Variants in LAMC3 observed in about 807,000 individuals in gnomAD.
LAMC3 encodes the protein laminin subunit gamma 3, also known as laminin subunit gamma-3.
In LAMC3, 128 loss-of-function variants were observed where a neutral mutation model predicts 173.8. The observed-to-expected ratio is 0.74, with a 90% confidence interval of 0.64 to 0.85. The LOEUF (loss-of-function observed/expected upper bound fraction) is 0.85, where lower values mean the gene tolerates loss of function less well. Ranked by LOEUF, LAMC3 falls within the 40% of genes least tolerant of loss-of-function variation. LAMC3 has a pLI of 0.00. For missense variants in LAMC3, 2,022 were observed against 2,156.0 expected, an observed-to-expected ratio of 0.94 and a Z score of 1.23; for synonymous variants, 897 against 909.1, an observed-to-expected ratio of 0.99 and a Z score of 0.24.
intron 13 of LAMC3, among the ~76,000 whole-genome samples, chr9:131,062,667 G>A (rs1401833910): frequency 1.3e-5 from 2 of 152,040 alleles, no homozygotes; most frequent in African/African-American, 4.8e-5. Flanking sequence ...TCCGGAGTCT[G>A]AGACTAGCCT....
intron 14 of LAMC3, 44 bp downstream of exon 14, chr9:131,067,249 C>T (rs1829956353): frequency 1.9e-6 from 3 of 1,608,484 alleles, no homozygotes; most frequent in African/African-American, 2.7e-5. Flanking sequence ...ATGGTGGGCC[C>T]CTTCTCTTCT....
chr9:131,075,781 C>T, intron 20 of LAMC3, 50 bp from the exon 21 acceptor site: 8 of 1,574,248 alleles, frequency 5.1e-6, no homozygotes, highest in South Asian at 2.3e-5. Flanking sequence ...TGATCCTGGG[C>T]CCCTTCCCTG....
chr9:131,017,563 A>G (rs1387735709), intron 1 of LAMC3, among the ~76,000 whole-genome samples: 4 of 77,430 alleles, frequency 5.2e-5, no homozygotes, highest in Non-Finnish European at 1.2e-4. Context: ...TTTCTCTATT[A>G]AAAAAAAAAA....
At chr9:131,081,663 C>A (rs984549535) in intron 23 of LAMC3, among the ~76,000 whole-genome samples, 2 of 152,114 alleles carry the variant, frequency 1.3e-5, no homozygotes, top group African/African-American at 4.8e-5. Flanking sequence ...TTAGTAGAGA[C>A]AGGGTTTCAC....
chr9:131,018,648 TTC>T, intron 1 of LAMC3, among the ~76,000 whole-genome samples: 1 of 152,214 alleles, frequency 6.6e-6, no homozygotes, highest in South Asian at 2.1e-4. Context: ...CAATATGCTG[TTC>T]TCTCTGTCTA....
intron 8 of LAMC3, among the ~76,000 whole-genome samples, chr9:131,046,294 C>G (rs1426050923): frequency 6.7e-6 from 1 of 148,304 alleles, no homozygotes; most frequent in South Asian, 2.1e-4. Context: ...CACCACCTCC[C>G]TGGGCTCACG....
intron 12 of LAMC3, among the ~76,000 whole-genome samples, chr9:131,057,921 A>G (rs895264897): frequency 1.3e-5 from 2 of 152,140 alleles, no homozygotes; most frequent in African/African-American, 4.8e-5. Context: ...TCTCTACACT[A>G]TATCATTGAC....
chr9:131,027,893 T>C (rs1340756467), intron 2 of LAMC3, among the ~76,000 whole-genome samples: 1 of 152,222 alleles, frequency 6.6e-6, no homozygotes, highest in Non-Finnish European at 1.5e-5. Context: ...TCCACCCAGG[T>C]GTGCGGACCT....
Position 131,091,730 on chromosome 9 carries a change from A to G in LAMC3, c.4671A>G (p.Lys1557=). The part of the protein sequence containing the change: ...ESDLAEIRAD[K]QNLEAILHSL... ...ACCTCGCCGAGATCCGCGCCGACAAACAGAACCTGGAGGCCATTCTGCACA... is the reference window on the plus strand; with the variant it reads ...ACCTCGCCGAGATCCGCGCCGACAAGCAGAACCTGGAGGCCATTCTGCACA... Residue 1557 remains lysine, a synonymous_variant, in exon 28 of 28, where the codon AAA becomes AAG. Transcript: ENST00000361069. 6.2e-7 allele frequency: 1 copy of G among 1,613,304 alleles called. No individual in the cohort carries two copies. Among genetic ancestry groups the G allele is most frequent in the Non-Finnish European group, 8.5e-7 (1 of 1,179,944 alleles).
intron 7 of LAMC3, among the ~76,000 whole-genome samples, chr9:131,042,947 A>T (rs971831037): frequency 6.9e-6 from 1 of 144,420 alleles, no homozygotes; most frequent in Non-Finnish European, 1.5e-5. Context: ...ACCATGGCAG[A>T]CATCACTGAT....
intron 1 of LAMC3, among the ~76,000 whole-genome samples, chr9:131,025,187 G>A (rs569851698): frequency 6.6e-6 from 1 of 152,158 alleles, no homozygotes; most frequent in Non-Finnish European, 1.5e-5. Context: ...CGCTCTCTGA[G>A]CCATTTCTGT....
chr9:131,072,643 C>T lies in LAMC3; in HGVS notation c.3225C>T (p.Ala1075=), dbSNP rs781099833. The T allele has an allele frequency of 6.2e-7, 1 of 1,610,318 alleles. No homozygotes were observed. The highest frequency in any genetic ancestry group is 2.2e-5 in the East Asian group (1 of 44,844). The change falls in exon 19 of 28, where the codon GCC becomes GCT. Residue 1075 remains alanine (A), a synonymous_variant. Transcript: ENST00000361069. ...GHHLLPGARE[A]FLEQMMSLEG... is the part of the protein sequence containing the mutation. Reference sequence around the variant, plus strand: ...GGCTTCCCATAGGGGCTCGGGAAGCCTTCCTGGAGCAGATGATGAGCCTCG... The same window carrying T: ...GGCTTCCCATAGGGGCTCGGGAAGCTTTCCTGGAGCAGATGATGAGCCTCG...
At chr9:131,013,563 C>A (rs558027581) in intron 1 of LAMC3, among the ~76,000 whole-genome samples, 1 of 152,316 alleles carries the variant, frequency 6.6e-6, no homozygotes, top group South Asian at 2.1e-4. Flanking sequence ...GGCCCCTGTC[C>A]TGAGGGGCTC....
Position 131,094,296 on chromosome 9 carries a change from A to G in LAMC3, c.*2509A>G, listed in dbSNP as rs1388360661. The G allele has an allele frequency of 6.6e-6, 1 of 152,232 alleles. No individual in the cohort carries two copies. Among genetic ancestry groups the G allele is most frequent in the Non-Finnish European group, 1.5e-5 (1 of 68,106 alleles). The allele number at this position is 152,232 out of a possible 1,614,324, so 9.4% of individuals were successfully genotyped here. On this transcript the variant is annotated 3_prime_UTR_variant, in exon 28 of 28. Transcript: ENST00000361069. ...AGCTTCTCAGCTTAGGTGAAGTCCC[A>G]CCAACCCCCGTTCAGGATAATGAGG...
intron 4 of LAMC3, 150 bp downstream of exon 4, chr9:131,036,482 G>A (rs1449187666): frequency 1.0e-5 from 9 of 867,780 alleles, no homozygotes; most frequent in East Asian, 5.3e-5. Context: ...AGATAAGGAC[G>A]AGCAGAAGGG....
intron 6 of LAMC3, 100 bp from the exon 7 acceptor site, chr9:131,041,537 C>A: frequency 9.6e-7 from 1 of 1,042,514 alleles, no homozygotes; most frequent in Non-Finnish European, 1.5e-6. Context: ...CAGCCTCACT[C>A]CTGATGTTGG....
intron 16 of LAMC3, 35 bp downstream of exon 16, chr9:131,069,085 G>T: frequency 1.2e-6 from 2 of 1,611,782 alleles, no homozygotes; most frequent in South Asian, 1.1e-5. Context: ...GCTGCCCTGA[G>T]GGTGGGGCCC....
chr9:131,044,062 G>A (rs947403356), intron 7 of LAMC3, among the ~76,000 whole-genome samples: 5 of 151,168 alleles, frequency 3.3e-5, no homozygotes, highest in East Asian at 2.0e-4. Flanking sequence ...GGGTTCAAGC[G>A]ATTCTCCTGC....
Position 131,009,645 on chromosome 9 carries a change from C to G in LAMC3, c.373+58C>G, listed in dbSNP as rs1833376124. 2 of 1,534,556 alleles carry G rather than the reference C, an allele frequency of 1.3e-6. No homozygotes were observed. Among genetic ancestry groups the G allele is most frequent in the Non-Finnish European group, 1.8e-6 (2 of 1,140,418 alleles). On this transcript the variant is annotated intron_variant, in intron 1 of 27. Coordinates refer to ENST00000361069, the MANE Select transcript of LAMC3 (RefSeq NM_006059.4). The surrounding 1 kb of genome is among the most constrained non-coding windows in gnomAD (Gnocchi z 4.3). The stretch of plus-strand genomic sequence containing the variant: ...CCCGTGTCCCCACTCCACTGGGGGT[C>G]TGAGGCTGAGGCCTGAGCTGCTGTG...
Sources: allele counts gnomAD v4.1 joint callset (sites outside exome capture counted in the v4.1 genomes callset), GRCh38; gene constraint gnomAD v4.1.1; non-coding constraint Gnocchi (gnomAD v3.1); transcripts MANE v1.5; gene names NCBI Gene and HGNC (gene_info 2026-07-23, HGNC 2026-07-21).